The following CEP350 variants were observed in gnomAD, a reference collection of about 807,000 sequenced individuals.
CEP350 encodes the protein centrosomal protein 350.
CEP350 carries 126 observed loss-of-function variants against 331.8 expected under a neutral mutation model. That is an observed-to-expected ratio of 0.38 (90% CI 0.33 to 0.44). The LOEUF is 0.44. Ranked by LOEUF, CEP350 falls within the 20% of genes least tolerant of loss-of-function variation. The pLI, the probability that CEP350 is intolerant of heterozygous loss-of-function variation, is 1.00. For missense variants in CEP350, 3,406 were observed against 3,634.6 expected (o/e 0.94, Z 1.62); for synonymous variants, 1,200 against 1,259.5 (o/e 0.95, Z 1.00).
chr1:180,069,833 A>G (rs1317613509), intron 27 of CEP350, among the ~76,000 whole-genome samples: 1 of 152,186 alleles, frequency 6.6e-6, no homozygotes, highest in Non-Finnish European at 1.5e-5. Context: ...AGAATTAAAA[A>G]CCCAGAAGGA....
At chr1:179,984,827 C>G (rs73032364) in intron 1 of CEP350, among the ~76,000 whole-genome samples, 2,539 of 152,084 alleles carry the variant, frequency 0.017, 74 homozygotes, top group African/African-American at 0.058. Flanking sequence ...AGTTTTTATT[C>G]TTATATTTTT....
chr1:180,038,778 C>T (rs1481138648), intron 17 of CEP350, among the ~76,000 whole-genome samples: 3 of 152,124 alleles, frequency 2.0e-5, no homozygotes, highest in Non-Finnish European at 4.4e-5. Context: ...AAGTCCTTTT[C>T]AGATGTATTG....
chr1:179,997,126 A>T lies in CEP350; in HGVS notation c.969A>T (p.Thr323=), dbSNP rs190726147. The T allele has an allele frequency of 2.5e-5, 40 of 1,613,942 alleles. No individual in the cohort carries two copies. In the East Asian group the frequency reaches 7.6e-4, roughly 31 times the overall value. Residue 323 remains threonine (T), a synonymous_variant, in exon 6 of 38, where the codon ACA becomes ACT. Transcript: ENST00000367607. ...VMVVNVDNSV[T]AKVRKVATAP... ...TTGTTAATGTTGATAACTCAGTAAC[A>T]GCAAAAGTCAGAAAAGTGGCAACAG...
intron 15 of CEP350, among the ~76,000 whole-genome samples, chr1:180,031,966 C>A (rs893442947): frequency 1.4e-4 from 21 of 152,118 alleles, no homozygotes; most frequent in African/African-American, 3.4e-4. Context: ...TTCAACACAG[C>A]TACTTAGCAT....
chr1:180,094,687 A>G (rs1571992881), intron 34 of CEP350, 71 bp downstream of exon 34: 2 of 1,453,868 alleles, frequency 1.4e-6, no homozygotes, highest in African/African-American at 1.4e-5. Context: ...TACCTTGCCT[A>G]TATAGTACAT....
intron 22 of CEP350, chr1:180,052,386 G>A (rs539415915): frequency 1.7e-5 from 6 of 347,056 alleles, no homozygotes; most frequent in South Asian, 1.1e-4. Flanking sequence ...ATAAATAAGA[G>A]CTCTTTGTAG....
chr1:180,051,308 C>T lies in CEP350; in HGVS notation c.4793-1662C>T, dbSNP rs115134651. On this transcript the variant is annotated intron_variant, in intron 22 of 37. Coordinates refer to ENST00000367607, the MANE Select transcript of CEP350 (RefSeq NM_014810.5). ...AACTGTTGAAGGGAGCACACATGGA[C>T]GAATTTTAAATGAATTTTACTAAGT... 3.8e-3 allele frequency among the ~76,000 whole-genome samples: 581 copies of T among 152,220 alleles called. 1 individual carries two copies. The highest frequency in any genetic ancestry group is 6.3e-3 in the Non-Finnish European group (431 of 67,992).
intron 27 of CEP350, among the ~76,000 whole-genome samples, chr1:180,068,257 A>G (rs561483008): frequency 3.9e-5 from 6 of 152,148 alleles, no homozygotes; most frequent in Non-Finnish European, 7.4e-5. Context: ...AATATTAAAA[A>G]CCATATGTTA....
At chr1:180,016,099 T>C (rs1654953781) in intron 11 of CEP350, 129 bp downstream of exon 11, 1 of 1,091,082 alleles carries the variant, frequency 9.2e-7, no homozygotes, top group Non-Finnish European at 1.3e-6. Context: ...AATTGGTTCA[T>C]ATCTTCTGAA....
At chr1:180,065,090 C>T (rs1258615112) in intron 26 of CEP350, 25 bp from the exon 27 acceptor site, 6 of 1,567,904 alleles carry the variant, frequency 3.8e-6, no homozygotes, top group East Asian at 2.3e-5. Context: ...AAGTCCAATA[C>T]AATTTTGCCT....
rs1310324825 is a variant in CEP350, at chr1:180,048,561, G to C, written c.4648G>C (p.Glu1550Gln). ...RRSSSGSSRQ[E>Q]SPSVPSCKEN... Reference sequence around the variant, plus strand: ...AAGTAGCAGTGGTAGCAGCCGCCAAGAAAGTCCTTCAGTTCCATCTTGTAA... The same window carrying C: ...AAGTAGCAGTGGTAGCAGCCGCCAACAAAGTCCTTCAGTTCCATCTTGTAA... The change falls in exon 22 of 38, where the codon GAA becomes CAA. Residue 1550 changes from glutamate to glutamine, a missense_variant. Glu to Gln is a conservative substitution (Grantham distance 29). This residue lies in a region of CEP350 where 1,857 missense variants were observed against 1,909.2 expected (regional missense o/e 0.97). Coordinates refer to ENST00000367607, the MANE Select transcript of CEP350 (RefSeq NM_014810.5). The C allele has an allele frequency of 3.1e-6, 5 of 1,607,318 alleles. No homozygotes were observed.
chr1:180,106,121 G>A (rs1025917050), intron 37 of CEP350, among the ~76,000 whole-genome samples: 1 of 152,168 alleles, frequency 6.6e-6, no homozygotes, highest in Non-Finnish European at 1.5e-5. Flanking sequence ...AGTAATTAGA[G>A]CACCGTTTGT....
At chr1:180,083,404 T>TG (rs1396347539) in intron 30 of CEP350, among the ~76,000 whole-genome samples, 1 of 152,226 alleles carries the variant, frequency 6.6e-6, no homozygotes, top group African/African-American at 2.4e-5. Context: ...TGTGAACTGT[T>TG]GGAGAGAAAA....
intron 1 of CEP350, among the ~76,000 whole-genome samples, chr1:179,964,912 CT>C (rs1451972208): frequency 6.6e-6 from 1 of 151,548 alleles, no homozygotes. Context: ...TAGTTCTGCT[CT>C]GATCTTAGTT....
chr1:180,110,234 C>T (rs1331483942), intron 37 of CEP350, among the ~76,000 whole-genome samples: 1 of 152,086 alleles, frequency 6.6e-6, no homozygotes, highest in Non-Finnish European at 1.5e-5. Context: ...ATTGTAAATC[C>T]ATATACAGAT....
chr1:179,961,170 G>A (rs1188027631), intron 1 of CEP350, among the ~76,000 whole-genome samples: 1 of 152,132 alleles, frequency 6.6e-6, no homozygotes, highest in African/African-American at 2.4e-5. Flanking sequence ...TCATGGCCAG[G>A]CGCGGTGGCT....
Position 179,997,154 on chromosome 1 carries a change from C to T in CEP350, c.997C>T (p.Pro333Ser). 6.2e-7 allele frequency: 1 copy of T among 1,613,228 alleles called. No individual in the cohort carries two copies. The highest frequency in any genetic ancestry group is 8.5e-7 in the Non-Finnish European group (1 of 1,179,498). Residue 333 changes from proline to serine, a missense_variant, in exon 6 of 38, where the codon CCA becomes TCA. Pro to Ser is a moderately conservative substitution (Grantham distance 74, BLOSUM62 -1). Around this residue, in one of 5 missense-constraint regions of CEP350, gnomAD observed 1,857 missense variants for 1,909.2 expected, o/e 0.97. Transcript: ENST00000367607. ...AAAAGTCAGAAAAGTGGCAACAGCA[C>T]CACCTGCTCCAGCATATAAAGGTTT... is the stretch of plus-strand genomic sequence containing the variant. ...TAKVRKVATAPPAPAYKGFNP... is the reference protein window; with the variant it reads ...TAKVRKVATASPAPAYKGFNP...
At chr1:180,039,729 A>G (rs527242064) in intron 17 of CEP350, among the ~76,000 whole-genome samples, 2 of 151,938 alleles carry the variant, frequency 1.3e-5, no homozygotes, top group Admixed American at 6.6e-5. Context: ...TTCAAAGATG[A>G]TTTTGGCTAT....
rs563172916 is a variant in CEP350 at position 180,041,342 on chromosome 1, G to A, written c.4221+94G>A. The stretch of plus-strand genomic sequence containing the variant: ...TCTTTTAATTATATAGGAGAAAAAA[G>A]TGTATATATAAATAATAAAGTTTTA... On this transcript the variant is annotated intron_variant, in intron 18 of 37. Transcript: ENST00000367607. The A allele has an allele frequency of 6.3e-5, 54 of 862,760 alleles. No homozygotes were observed. In the African/African-American group the frequency reaches 7.9e-4, roughly 13 times the overall value. The allele number at this position is 862,760 out of a possible 1,614,324, so 53.4% of individuals were successfully genotyped here. A position where few individuals can be genotyped will look rare whatever the true frequency, so the allele number is the denominator to read the frequency against.
Sources: allele counts gnomAD v4.1 joint callset (sites outside exome capture counted in the v4.1 genomes callset), GRCh38; gene constraint gnomAD v4.1.1; regional missense constraint gnomAD v4.1.1; transcripts MANE v1.5; gene names NCBI Gene and HGNC (gene_info 2026-07-23, HGNC 2026-07-21).